AUTS2: variants seen among roughly 807,000 people sequenced by gnomAD.
The protein encoded by AUTS2 is activator of transcription and developmental regulator AUTS2.
A neutral mutation model predicts 112.4 loss-of-function variants in AUTS2; 17 were observed. The observed-to-expected ratio is 0.15, with a 90% CI of 0.10 to 0.23. The LOEUF (loss-of-function observed/expected upper bound fraction) is 0.23. Among genes scored for constraint, AUTS2 ranks in the 10% least tolerant of loss-of-function variants. The pLI is 1.00. For missense variants in AUTS2, 1,510 were observed against 1,701.6 expected (o/e 0.89, Z 1.98); for synonymous variants, 751 against 702.7 (o/e 1.07, Z -1.09).
intron 5 of AUTS2, among the ~76,000 whole-genome samples, chr7:70,497,507 T>C (rs1798604846): frequency 6.6e-6 from 1 of 152,232 alleles, no homozygotes; most frequent in South Asian, 2.1e-4. Flanking sequence ...ACTTGGTTTT[T>C]GGAAAATAAA....
chr7:70,317,211 C>T (rs1051788202), intron 4 of AUTS2, among the ~76,000 whole-genome samples: 1 of 151,538 alleles, frequency 6.6e-6, no homozygotes, highest in Non-Finnish European at 1.5e-5. Context: ...ATACTTTTTC[C>T]TGTGTATATT....
At chr7:69,947,738 C>T (rs1796873008) in intron 2 of AUTS2, among the ~76,000 whole-genome samples, 2 of 152,072 alleles carry the variant, frequency 1.3e-5, no homozygotes, top group African/African-American at 4.8e-5. Flanking sequence ...TTGCCTTGCT[C>T]CACAAAGACA....
intron 6 of AUTS2, among the ~76,000 whole-genome samples, chr7:70,704,522 T>C (rs187241288): frequency 1.3e-5 from 2 of 152,364 alleles, no homozygotes; most frequent in East Asian, 3.9e-4. Flanking sequence ...CCAAAAAGCT[T>C]GAATGTTCAT....
At chr7:70,738,740 A>G (rs929275797) in intron 6 of AUTS2, among the ~76,000 whole-genome samples, 1 of 152,142 alleles carries the variant, frequency 6.6e-6, no homozygotes, top group Non-Finnish European at 1.5e-5. Flanking sequence ...GTTCTTGATC[A>G]CATTTTTCTC....
rs540129259 is a variant in AUTS2, at chr7:69,739,901, G to A, written c.309+139939G>A. On this transcript the variant is annotated intron_variant, in intron 1 of 18. Transcript: ENST00000342771. ...GGAAGGATTGAACCTGCTGTCTGGA[G>A]AATTAGAAACCAGCAGCTTGACTTA... is the stretch of plus-strand genomic sequence containing the variant. 1.5e-3 allele frequency among the ~76,000 whole-genome samples: 222 copies of A among 152,302 alleles called. 1 individual carries two copies. Among genetic ancestry groups the A allele is most frequent in the African/African-American group, 4.5e-3 (186 of 41,572 alleles).
intron 5 of AUTS2, among the ~76,000 whole-genome samples, chr7:70,642,790 C>CGATAA (rs1805911761): frequency 6.6e-6 from 1 of 151,692 alleles, no homozygotes; most frequent in Admixed American, 6.6e-5. Context: ...CATAAACATG[C>CGATAA]GTGTCAACTC....
chr7:69,967,009 T>G (rs931652755), intron 2 of AUTS2, among the ~76,000 whole-genome samples: 1 of 152,202 alleles, frequency 6.6e-6, no homozygotes, highest in African/African-American at 2.4e-5. Context: ...TTTCTTTCTC[T>G]GGTACAAAAG....
At chr7:70,673,327 C>G (rs1218913242) in intron 5 of AUTS2, among the ~76,000 whole-genome samples, 3 of 151,876 alleles carry the variant, frequency 2.0e-5, no homozygotes, top group Non-Finnish European at 2.9e-5. Flanking sequence ...TGTGCAGGGA[C>G]TTTTGGTACT....
chr7:69,662,541 G>T (rs1795850454), intron 1 of AUTS2, among the ~76,000 whole-genome samples: 1 of 152,200 alleles, frequency 6.6e-6, no homozygotes, highest in Non-Finnish European at 1.5e-5. Flanking sequence ...CTCTGGTTGA[G>T]AATTTCTGCC....
Position 70,486,907 on chromosome 7 carries a change from C to G in AUTS2, c.690+51126C>G, listed in dbSNP as rs528513089. The stretch of plus-strand genomic sequence containing the variant: ...TTGTTGTTTTTGTATTCCCCCCCCC[C>G]CAAAAAAAAAGAAGAAAAGGTTGCA... On this transcript the variant is annotated intron_variant, in intron 5 of 18. Transcript: ENST00000342771. Among the ~76,000 whole-genome samples the G allele has an allele frequency of 6.2e-4, 73 of 117,112 alleles. 1 individual carries two copies. The highest frequency in any genetic ancestry group is 2.6e-3 in the African/African-American group (69 of 26,744). 76.8% of individuals were successfully genotyped at this position (117,112 alleles called of 152,430 possible). A position where few individuals can be genotyped will look rare whatever the true frequency, so the allele number is the denominator to read the frequency against.
intron 1 of AUTS2, among the ~76,000 whole-genome samples, chr7:69,780,455 C>A (rs1789096962): frequency 6.6e-6 from 1 of 152,158 alleles, no homozygotes; most frequent in African/African-American, 2.4e-5. Context: ...GTGATAGGGC[C>A]ATGCTCCATC....
intron 2 of AUTS2, among the ~76,000 whole-genome samples, chr7:70,056,090 C>T (rs1189725191): frequency 2.6e-5 from 4 of 152,002 alleles, no homozygotes; most frequent in South Asian, 4.2e-4. Context: ...CGGGTTCTAG[C>T]GATTCTCCTG....
intron 5 of AUTS2, among the ~76,000 whole-genome samples, chr7:70,517,831 T>C (rs1799480725): frequency 6.6e-6 from 1 of 152,036 alleles, no homozygotes; most frequent in South Asian, 2.1e-4. Context: ...AATTTGTATA[T>C]ACCCACACAC....
At chr7:69,762,590 C>T (rs925613404) in intron 1 of AUTS2, among the ~76,000 whole-genome samples, 4 of 151,704 alleles carry the variant, frequency 2.6e-5, no homozygotes, top group South Asian at 4.2e-4. Flanking sequence ...ATTTCAGGTG[C>T]GAGCCATTAT....
chr7:69,866,238 A>G (rs1472375627), intron 1 of AUTS2, among the ~76,000 whole-genome samples: 1 of 151,812 alleles, frequency 6.6e-6, no homozygotes, highest in Non-Finnish European at 1.5e-5. Flanking sequence ...TGAATTCCAA[A>G]CCTCCCAGTC....
At chr7:70,488,741 G>A (rs1008034016) in intron 5 of AUTS2, among the ~76,000 whole-genome samples, 1 of 152,078 alleles carries the variant, frequency 6.6e-6, no homozygotes, top group Non-Finnish European at 1.5e-5. Context: ...GGACCTTTCA[G>A]CCTTCCTAAA....
intron 1 of AUTS2, among the ~76,000 whole-genome samples, chr7:69,685,592 G>C (rs1437302802): frequency 1.3e-5 from 2 of 152,284 alleles, no homozygotes; most frequent in Non-Finnish European, 2.9e-5. Flanking sequence ...CTCAAGGATA[G>C]TGCCATATTT....
chr7:70,126,293 C>T (rs1805967047), intron 3 of AUTS2, among the ~76,000 whole-genome samples: 1 of 151,992 alleles, frequency 6.6e-6, no homozygotes, highest in South Asian at 2.1e-4. Context: ...TGGTGGAGCA[C>T]AGGTACTCGG....
chr7:70,781,783 A>C, intron 15 of AUTS2, 27 bp downstream of exon 15: 1 of 1,609,530 alleles, frequency 6.2e-7, no homozygotes, highest in East Asian at 2.2e-5. Context: ...GTGGGGGGAC[A>C]GAGCTGAGAA....
Sources: gnomAD v4.1 joint callset for allele counts (sites outside exome capture counted in the v4.1 genomes callset) on GRCh38, gnomAD v4.1.1 for gene constraint, MANE v1.5 for transcripts, NCBI Gene and HGNC (gene_info 2026-07-23, HGNC 2026-07-21) for gene names.